The following TLK1 variants were observed in gnomAD, a reference collection of about 807,000 sequenced individuals.
TLK1 encodes the protein serine/threonine-protein kinase tousled-like 1.
In TLK1, 24 loss-of-function variants were observed where a neutral mutation model predicts 105.3. The ratio of observed to expected loss-of-function variants is 0.23; its 90% CI spans 0.17 to 0.32. The LOEUF (loss-of-function observed/expected upper bound fraction) is 0.32. TLK1 is among the 10% of genes least tolerant of loss of function. The pLI, the probability that TLK1 is intolerant of heterozygous loss-of-function variation, is 1.00. For missense variants in TLK1, 558 were observed against 910.5 expected (o/e 0.61, Z 4.98); for synonymous variants, 321 against 310.4 (o/e 1.03, Z -0.36).
chr2:170,995,388 C>T (rs1160567900), intron 20 of TLK1, among the ~76,000 whole-genome samples: 2 of 151,702 alleles, frequency 1.3e-5, no homozygotes, highest in East Asian at 1.9e-4. Context: ...AATATTATAT[C>T]CCCCCAACAA....
At chr2:171,181,405 C>T (rs980836761) in intron 1 of TLK1, among the ~76,000 whole-genome samples, 1 of 152,214 alleles carries the variant, frequency 6.6e-6, no homozygotes, top group Non-Finnish European at 1.5e-5. Flanking sequence ...TCCCTTCTAA[C>T]ATATTAGCAT....
At chr2:171,066,934 T>A in intron 3 of TLK1, 7 of 1,544,728 alleles carry the variant, frequency 4.5e-6, no homozygotes, top group Non-Finnish European at 5.2e-6. Context: ...TTTCAGATAA[T>A]TTATTCTGGA....
chr2:171,087,539 GA>G (rs1329518796), intron 2 of TLK1, among the ~76,000 whole-genome samples: 2 of 151,896 alleles, frequency 1.3e-5, no homozygotes, highest in Non-Finnish European at 2.9e-5. Flanking sequence ...AAAATATGCA[GA>G]AAAAAATATT....
chr2:171,142,159 T>C (rs1691602928), intron 1 of TLK1, among the ~76,000 whole-genome samples: 1 of 144,836 alleles, frequency 6.9e-6, no homozygotes, highest in Admixed American at 6.9e-5. Context: ...AAAAAGATGG[T>C]CTAACTATTA....
chr2:171,127,101 C>A (rs1336353615), intron 1 of TLK1, among the ~76,000 whole-genome samples: 1 of 151,598 alleles, frequency 6.6e-6, no homozygotes, highest in Non-Finnish European at 1.5e-5. Flanking sequence ...CATGGTGAAA[C>A]CCCAATTCTA....
intron 1 of TLK1, among the ~76,000 whole-genome samples, chr2:171,137,654 A>G (rs967214427): frequency 2.0e-5 from 3 of 151,964 alleles, no homozygotes; most frequent in South Asian, 4.2e-4. Flanking sequence ...TTCGCGACCA[A>G]CCTGGGCAAC....
At chr2:171,130,541 G>T (rs1179254456) in intron 1 of TLK1, among the ~76,000 whole-genome samples, 1 of 152,050 alleles carries the variant, frequency 6.6e-6, no homozygotes, top group Non-Finnish European at 1.5e-5. Flanking sequence ...TAGCCTAAAT[G>T]ATGTTTACTT....
chr2:171,012,530 G>C (rs1385410406), intron 13 of TLK1, among the ~76,000 whole-genome samples: 2 of 152,084 alleles, frequency 1.3e-5, no homozygotes, highest in Non-Finnish European at 2.9e-5. Flanking sequence ...TCTGGCTGGA[G>C]TGCAGTGGCA....
chr2:171,216,400 C>A (rs1202410923), intron 1 of TLK1, among the ~76,000 whole-genome samples: 1 of 152,020 alleles, frequency 6.6e-6, no homozygotes, highest in African/African-American at 2.4e-5. Flanking sequence ...GGCATGAACC[C>A]GGGAGGTGGA....
At chr2:171,079,637 G>A (rs1224677203) in intron 3 of TLK1, among the ~76,000 whole-genome samples, 3 of 152,034 alleles carry the variant, frequency 2.0e-5, no homozygotes, top group African/African-American at 4.8e-5. Flanking sequence ...TTTTATTTAC[G>A]AGAGGAAAAA....
intron 2 of TLK1, among the ~76,000 whole-genome samples, chr2:171,089,145 A>G (rs746284607): frequency 2.6e-5 from 4 of 152,208 alleles, no homozygotes; most frequent in Non-Finnish European, 4.4e-5. Flanking sequence ...GGAGTGAGAC[A>G]CCACATTTGG....
chr2:171,123,516 C>T (rs1279027678), intron 1 of TLK1, among the ~76,000 whole-genome samples: 1 of 152,158 alleles, frequency 6.6e-6, no homozygotes, highest in Non-Finnish European at 1.5e-5. Context: ...TCTGTTAATA[C>T]TGATCTGCAG....
intron 10 of TLK1, among the ~76,000 whole-genome samples, chr2:171,047,513 A>G (rs1015958352): frequency 6.6e-6 from 1 of 152,226 alleles, no homozygotes; most frequent in Admixed American, 6.5e-5. Flanking sequence ...AGAATATGAT[A>G]GGAGTGAAAA....
chr2:171,188,703 C>A lies in TLK1; in HGVS notation c.-6+42442G>T, dbSNP rs564771709. 3.5e-3 allele frequency among the ~76,000 whole-genome samples: 459 copies of A among 131,754 alleles called. 6 individuals carry two copies. The highest frequency in any genetic ancestry group is 0.012 in the African/African-American group (429 of 34,668). The allele number at this position is 131,754 out of a possible 152,430, so 86.4% of individuals were successfully genotyped here. On this transcript the variant is annotated intron_variant, in intron 1 of 20. Coordinates refer to the TLK1 transcript ENST00000521943. ...GCCCAGCAACAGTGCAAGACTCTGT[C>A]TCAAAAAAAAAAAAAAAAAAAAGAA...
At chr2:170,996,614 A>C in intron 20 of TLK1, 39 bp downstream of exon 20, 1 of 1,544,628 alleles carries the variant, frequency 6.5e-7, no homozygotes, top group Non-Finnish European at 8.9e-7. Context: ...TGATGAAAGA[A>C]AAGTTACTTC....
chr2:171,228,961 T>A (rs887030042), intron 1 of TLK1, among the ~76,000 whole-genome samples: 1 of 152,224 alleles, frequency 6.6e-6, no homozygotes, highest in African/African-American at 2.4e-5. Context: ...GAATTGGGCA[T>A]CTGACCTGGT....
intron 3 of TLK1, among the ~76,000 whole-genome samples, chr2:171,079,097 A>C (rs952717893): frequency 6.6e-6 from 1 of 152,206 alleles, no homozygotes; most frequent in Non-Finnish European, 1.5e-5. Flanking sequence ...GCTTTTCCGG[A>C]GATCTAAAGA....
intron 3 of TLK1, among the ~76,000 whole-genome samples, chr2:171,076,122 G>A (rs1261919557): frequency 6.6e-6 from 1 of 152,094 alleles, no homozygotes; most frequent in Non-Finnish European, 1.5e-5. Context: ...GGGGGCTGAA[G>A]GAGGAGACTC....
At chr2:171,089,078 C>T (rs62168998) in intron 2 of TLK1, among the ~76,000 whole-genome samples, 7 of 152,166 alleles carry the variant, frequency 4.6e-5, no homozygotes, top group Non-Finnish European at 7.3e-5. Context: ...GACAAGGTTT[C>T]GCCATGTTGG....
Sources: gnomAD v4.1 joint callset for allele counts (sites outside exome capture counted in the v4.1 genomes callset) on GRCh38, gnomAD v4.1.1 for gene constraint, MANE v1.5 for transcripts, NCBI Gene and HGNC (gene_info 2026-07-23, HGNC 2026-07-21) for gene names.